Variants in SHANK2 observed in about 807,000 individuals in gnomAD.
SHANK2 encodes the protein SH3 and multiple ankyrin repeat domains 2.
A neutral mutation model predicts 133.7 loss-of-function variants in SHANK2; 43 were observed. The ratio of observed to expected loss-of-function variants is 0.32; its 90% CI spans 0.25 to 0.41. The LOEUF is 0.41. Ranked by LOEUF, SHANK2 falls within the 10% of genes least tolerant of loss-of-function variation. The pLI is 1.00. For synonymous variants in SHANK2, 1,017 were observed against 952.8 expected (o/e 1.07, Z -1.24); for missense variants, 1,994 against 2,235.8 (o/e 0.89, Z 2.18).
intron 15 of SHANK2, among the ~76,000 whole-genome samples, chr11:70,670,827 G>A (rs782600456): frequency 8.5e-5 from 13 of 152,172 alleles, no homozygotes; most frequent in Non-Finnish European, 1.3e-4. Context: ...ATTCCTGCAC[G>A]GAGGGGACTC....
chr11:71,065,901 C>T (rs1951049486), intron 9 of SHANK2, among the ~76,000 whole-genome samples: 2 of 101,292 alleles, frequency 2.0e-5, no homozygotes, highest in African/African-American at 3.9e-5. Flanking sequence ...AGAACTCTCC[C>T]AGGGAGATGA....
At chr11:70,786,997 C>G (rs1330437764) in intron 14 of SHANK2, among the ~76,000 whole-genome samples, 2 of 151,340 alleles carry the variant, frequency 1.3e-5, no homozygotes, top group Non-Finnish European at 3.0e-5. Flanking sequence ...GCATCACCAC[C>G]AGCATCACCA....
At chr11:71,184,859 C>A (rs1462774723) in intron 2 of SHANK2, among the ~76,000 whole-genome samples, 2 of 152,198 alleles carry the variant, frequency 1.3e-5, no homozygotes, top group Non-Finnish European at 2.9e-5. Flanking sequence ...ACTGGGCCTG[C>A]ACTGCCCAGA....
intron 24 of SHANK2, 56 bp downstream of exon 24, chr11:70,489,272 T>G (rs1407777220): frequency 3.9e-6 from 6 of 1,550,594 alleles, no homozygotes; most frequent in Non-Finnish European, 4.5e-6. Flanking sequence ...ATACACCTTA[T>G]AAAGTAAACT....
At chr11:71,146,780 C>T (rs1417082338) in intron 3 of SHANK2, among the ~76,000 whole-genome samples, 2 of 152,174 alleles carry the variant, frequency 1.3e-5, no homozygotes, top group Non-Finnish European at 2.9e-5. Context: ...GGTGCACCTG[C>T]CGCCCGGGTT....
At chr11:70,550,583 A>T (rs2059752024) in intron 17 of SHANK2, among the ~76,000 whole-genome samples, 1 of 152,202 alleles carries the variant, frequency 6.6e-6, no homozygotes, top group Non-Finnish European at 1.5e-5. Context: ...AGGAGGAAAG[A>T]CCACATCCAA....
intron 8 of SHANK2, among the ~76,000 whole-genome samples, chr11:71,086,105 ATAT>A: frequency 3.6e-5 from 2 of 55,954 alleles, no homozygotes; most frequent in Admixed American, 3.4e-4. Flanking sequence ...ATTATATAAT[ATAT>A]TATGTTATAT....
At position 70,569,870 on chromosome 11, in the gene SHANK2, G is replaced by A. The variant is rs887717510; in HGVS notation, c.2062-66939C>T. Among the ~76,000 whole-genome samples, 3 of 152,104 alleles carry A rather than the reference G, an allele frequency of 2.0e-5. No individual in the cohort carries two copies. The highest frequency in any genetic ancestry group is 7.2e-5 in the African/African-American group (3 of 41,404). ...ACAAAGAAGCAAGGGCAGGAGGTCA[G>A]TACGAGGAGACGGGGACGACGGTAC... On this transcript the variant is annotated intron_variant, in intron 17 of 25. Transcript: ENST00000601538. This position sits in a 1 kb window ranked among gnomAD's most constrained non-coding sequence, Gnocchi z 5.1.
intron 4 of SHANK2, among the ~76,000 whole-genome samples, chr11:71,116,200 G>C (rs1035008876): frequency 1.3e-5 from 2 of 152,208 alleles, no homozygotes; most frequent in Non-Finnish European, 2.9e-5. Context: ...GGAATCCCTA[G>C]TCACTGAGTA....
intron 11 of SHANK2, among the ~76,000 whole-genome samples, chr11:70,859,050 C>T (rs1371768680): frequency 2.0e-5 from 3 of 152,142 alleles, no homozygotes; most frequent in Admixed American, 6.5e-5. Flanking sequence ...TACAGCACTG[C>T]TCTGGATGGG....
At chr11:70,548,511 G>A (rs1591565096) in intron 17 of SHANK2, among the ~76,000 whole-genome samples, 1 of 152,278 alleles carries the variant, frequency 6.6e-6, no homozygotes, top group African/African-American at 2.4e-5. Context: ...GCTGGCCGGC[G>A]CCTGTGCCCG....
chr11:70,561,678 AC>A (rs58855296), intron 17 of SHANK2, among the ~76,000 whole-genome samples: 21,829 of 149,498 alleles, frequency 0.15, 1,735 homozygotes, highest in East Asian at 0.37. Context: ...GCAGACGTGC[AC>A]CGTCACACCC....
intron 11 of SHANK2, among the ~76,000 whole-genome samples, chr11:70,888,325 A>G (rs1949779104): frequency 6.6e-6 from 1 of 152,126 alleles, no homozygotes; most frequent in Non-Finnish European, 1.5e-5. Flanking sequence ...ATCAAACCCA[A>G]CACAGCCCAC....
At chr11:71,079,623 G>A (rs879034194) in intron 8 of SHANK2, among the ~76,000 whole-genome samples, 107,200 of 149,370 alleles carry the variant, frequency 0.72, 39,149 homozygotes, top group Middle Eastern at 0.81. Context: ...AGCCGGGTGT[G>A]GTGGCGGGTG....
At position 70,579,054 on chromosome 11, in the gene SHANK2, A is replaced by C. The variant is rs183892624; in HGVS notation, c.2062-76123T>G. ...AGGAGCATGAATGCAGGTGAGAACG[A>C]GGCCTGTGCTGGATCCAGGGGAGTA... On this transcript the variant is annotated intron_variant, in intron 17 of 25. Transcript: ENST00000601538. Among the ~76,000 whole-genome samples the C allele has an allele frequency of 1.5e-3, 225 of 152,268 alleles. 3 individuals carry two copies. The highest frequency in any genetic ancestry group is 5.3e-3 in the African/African-American group (222 of 41,548).
intron 11 of SHANK2, among the ~76,000 whole-genome samples, chr11:70,860,100 T>C (rs2135497854): frequency 6.6e-6 from 1 of 152,326 alleles, no homozygotes; most frequent in South Asian, 2.1e-4. Flanking sequence ...CCCTGTCCCT[T>C]GCTCCCTTCA....
rs928013088 is a variant in SHANK2, at chr11:70,872,803, G to T, written c.1174+23698C>A. On this transcript the variant is annotated intron_variant, in intron 11 of 25. Coordinates refer to ENST00000601538, the MANE Select transcript of SHANK2 (RefSeq NM_012309.5). ...ACCCCTCATTGTCCTAAGGGTCGTGGGGGCTGCTTTGCTTGGTGCTGGAGT... is the reference window on the plus strand; with the variant it reads ...ACCCCTCATTGTCCTAAGGGTCGTGTGGGCTGCTTTGCTTGGTGCTGGAGT... 2.0e-5 allele frequency among the ~76,000 whole-genome samples: 3 copies of T among 152,106 alleles called. No homozygotes were observed. The East Asian group carries it at 5.8e-4, about 29-fold the overall frequency.
intron 8 of SHANK2, among the ~76,000 whole-genome samples, chr11:71,080,677 A>C (rs1951286802): frequency 6.6e-6 from 1 of 152,182 alleles, no homozygotes; most frequent in Non-Finnish European, 1.5e-5. Context: ...CAGCCCACAC[A>C]ACAAAGAGTC....
intron 3 of SHANK2, among the ~76,000 whole-genome samples, chr11:71,129,769 C>T (rs184603302): frequency 1.4e-3 from 210 of 152,316 alleles, no homozygotes; most frequent in African/African-American, 4.9e-3. Context: ...GGGCAGAATG[C>T]GGGCACTGGA....
Sources: gnomAD v4.1 joint callset for allele counts (sites outside exome capture counted in the v4.1 genomes callset) on GRCh38, gnomAD v4.1.1 for gene constraint, Gnocchi (gnomAD v3.1) non-coding constraint, MANE v1.5 for transcripts, NCBI Gene and HGNC (gene_info 2026-07-23, HGNC 2026-07-21) for gene names.